The following GAB2 variants were observed in gnomAD, a reference collection of about 807,000 sequenced individuals.
GAB2 encodes the protein GRB2 associated binding protein 2.
GAB2 carries 26 observed loss-of-function variants against 65.5 expected under a neutral mutation model. That is an observed-to-expected ratio of 0.40 (90% CI 0.29 to 0.55). The LOEUF (loss-of-function observed/expected upper bound fraction) is 0.55, where lower values mean the gene tolerates loss of function less well. Ranked by LOEUF, GAB2 falls within the 20% of genes least tolerant of loss-of-function variation. GAB2 has a pLI of 0.53. For missense variants in GAB2, 884 were observed against 875.8 expected (o/e 1.01, Z -0.12); for synonymous variants, 321 against 329.6 (o/e 0.97, Z 0.28).
intron 1 of GAB2, among the ~76,000 whole-genome samples, chr11:78,412,732 A>AT (rs936224434): frequency 1.3e-5 from 2 of 152,316 alleles, no homozygotes; most frequent in East Asian, 1.9e-4. Context: ...GAAATGTTTA[A>AT]TTTTTTTAAA....
Position 78,280,616 on chromosome 11 carries a change from C to T in GAB2, c.361G>A (p.Ala121Thr). The T allele has an allele frequency of 1.2e-6, 2 of 1,613,722 alleles. No homozygotes were observed. Among genetic ancestry groups the T allele is most frequent in the South Asian group, 1.1e-5 (1 of 91,038 alleles). ...SICQICGFNQ[A>T]EESTDSLRNV... ...GTTCTCATACCTGTGCTCTCCTCAGCCTGATTGAAGCCACAGATCTGGCAG... is the reference window on the plus strand; with the variant it reads ...GTTCTCATACCTGTGCTCTCCTCAGTCTGATTGAAGCCACAGATCTGGCAG... Residue 121 changes from alanine (A) to threonine (T), a missense_variant, in exon 2 of 10, where the codon GCT becomes ACT. Physicochemically the swap from Ala to Thr is moderately conservative, Grantham distance 58 (BLOSUM62 0). Transcript: ENST00000361507.
At chr11:78,227,184 G>A in intron 3 of GAB2, 133 bp from the exon 4 acceptor site, 1 of 649,132 alleles carries the variant, frequency 1.5e-6, no homozygotes. Context: ...ATATTTTGAA[G>A]GTTGTTCAGA....
chr11:78,402,657 T>C (rs139400755), intron 1 of GAB2, among the ~76,000 whole-genome samples: 1,512 of 145,916 alleles, frequency 0.01, 26 homozygotes, highest in African/African-American at 0.037. Context: ...GATTTCACCA[T>C]GTTGGCCAGG....
chr11:78,307,301 T>C (rs1033713869), intron 1 of GAB2, among the ~76,000 whole-genome samples: 24 of 152,076 alleles, frequency 1.6e-4, no homozygotes, highest in Non-Finnish European at 5.9e-5. Flanking sequence ...TGGAAAGGGG[T>C]TGATTCTATG....
chr11:78,394,735 A>G (rs1856874674), intron 1 of GAB2, among the ~76,000 whole-genome samples: 1 of 152,200 alleles, frequency 6.6e-6, no homozygotes, highest in South Asian at 2.1e-4. Flanking sequence ...GCTGGTCTTA[A>G]GCCCTCTTGC....
chr11:78,233,925 A>G (rs1306229016), intron 3 of GAB2, among the ~76,000 whole-genome samples: 2 of 152,044 alleles, frequency 1.3e-5, no homozygotes, highest in Non-Finnish European at 2.9e-5. Flanking sequence ...TTCTTTTCTT[A>G]AAGAGGCCTC....
chr11:78,234,490 A>G (rs1036133747), intron 3 of GAB2, among the ~76,000 whole-genome samples: 5 of 151,668 alleles, frequency 3.3e-5, no homozygotes, highest in Non-Finnish European at 7.4e-5. Context: ...TTATTCCTAT[A>G]TGAATGTCAA....
At chr11:78,263,932 T>C (rs1222529058) in intron 2 of GAB2, among the ~76,000 whole-genome samples, 1 of 151,572 alleles carries the variant, frequency 6.6e-6, no homozygotes, top group Admixed American at 6.6e-5. Context: ...AAACATCTCA[T>C]TGGGGGAGCA....
chr11:78,289,873 G>C (rs1467790213), intron 1 of GAB2, among the ~76,000 whole-genome samples: 1 of 143,378 alleles, frequency 7.0e-6, no homozygotes, highest in Non-Finnish European at 1.5e-5. Context: ...AATGACCAAG[G>C]CCTGGGCATG....
At chr11:78,361,184 C>G (rs1022398244) in intron 1 of GAB2, among the ~76,000 whole-genome samples, 1 of 152,086 alleles carries the variant, frequency 6.6e-6, no homozygotes, top group Non-Finnish European at 1.5e-5. Flanking sequence ...AAAGTTGAAC[C>G]TGTACCTCTA....
chr11:78,301,919 C>G (rs952135593), intron 1 of GAB2, among the ~76,000 whole-genome samples: 1 of 152,000 alleles, frequency 6.6e-6, no homozygotes, highest in Non-Finnish European at 1.5e-5. Context: ...TTCAACAAAG[C>G]GAACAAAAAC....
At chr11:78,287,649 A>C (rs1229845709) in intron 1 of GAB2, among the ~76,000 whole-genome samples, 1 of 136,742 alleles carries the variant, frequency 7.3e-6, no homozygotes, top group Admixed American at 7.4e-5. Context: ...TGCTCTTATC[A>C]TTTTTTTTTT....
chr11:78,375,936 C>A (rs1199851783), intron 1 of GAB2, among the ~76,000 whole-genome samples: 2 of 152,162 alleles, frequency 1.3e-5, no homozygotes, highest in African/African-American at 4.8e-5. Flanking sequence ...ACCCTTCTGC[C>A]AAATCACCTG....
intron 1 of GAB2, among the ~76,000 whole-genome samples, chr11:78,374,168 T>A (rs1856605403): frequency 6.6e-6 from 1 of 152,210 alleles, no homozygotes; most frequent in African/African-American, 2.4e-5. Flanking sequence ...AAAGTCCAAG[T>A]TGATCCCAGT....
intron 1 of GAB2, among the ~76,000 whole-genome samples, chr11:78,363,639 C>A (rs909342937): frequency 3.3e-5 from 5 of 149,524 alleles, no homozygotes; most frequent in Non-Finnish European, 7.4e-5. Context: ...GGCTGAAGTG[C>A]AGTGGGACAC....
rs117477822 is a variant in GAB2 at position 78,251,428 on chromosome 11, A to G, written c.377-1028T>C. Among the ~76,000 whole-genome samples the G allele has an allele frequency of 1.7e-3, 256 of 152,330 alleles. 1 individual carries two copies. Among genetic ancestry groups the G allele is most frequent in the Non-Finnish European group, 2.4e-3 (160 of 68,036 alleles). On this transcript the variant is annotated intron_variant, in intron 2 of 9. Transcript: ENST00000361507. The stretch of plus-strand genomic sequence containing the variant: ...TTAGTAAGTGAGGTATTAAGGACGG[A>G]TAATAGCTTATAGTACTACACCCCA...
At chr11:78,415,337 G>A (rs1857182148) in intron 1 of GAB2, among the ~76,000 whole-genome samples, 1 of 152,190 alleles carries the variant, frequency 6.6e-6, no homozygotes, top group Non-Finnish European at 1.5e-5. Context: ...CTACTTTGGG[G>A]TAAATATACA....
rs1864200479 is a variant in GAB2, at chr11:78,217,375, G to C, written c.*1897C>G. The C allele has an allele frequency of 6.6e-6, 1 of 152,238 alleles. No homozygotes were observed. The highest frequency in any genetic ancestry group is 1.5e-5 in the Non-Finnish European group (1 of 68,072). The allele number at this position is 152,238 out of a possible 1,614,324, so 9.4% of individuals were successfully genotyped here. On this transcript the variant is annotated 3_prime_UTR_variant, in exon 10 of 10. Transcript: ENST00000361507. Reference sequence around the variant, plus strand: ...ACTCCTTGAGTTGATCTAAACTAATGCTAGGAGGAGAGGTGCAGCTCTTGA... The same window carrying C: ...ACTCCTTGAGTTGATCTAAACTAATCCTAGGAGGAGAGGTGCAGCTCTTGA...
At chr11:78,397,699 G>A (rs144450544) in intron 1 of GAB2, among the ~76,000 whole-genome samples, 32 of 152,170 alleles carry the variant, frequency 2.1e-4, no homozygotes, top group Non-Finnish European at 4.0e-4. Context: ...TTTGTCATTT[G>A]TGTAGTATGT....
Sources: allele counts gnomAD v4.1 joint callset (sites outside exome capture counted in the v4.1 genomes callset), GRCh38; gene constraint gnomAD v4.1.1; transcripts MANE v1.5; gene names NCBI Gene and HGNC (gene_info 2026-07-23, HGNC 2026-07-21).